The following TESK1 variants were observed in gnomAD, a reference collection of about 807,000 sequenced individuals.
TESK1 encodes testis associated actin remodelling kinase 1.
Under a neutral mutation model 59.9 loss-of-function variants are expected in TESK1, and 18 were observed. The ratio of observed to expected loss-of-function variants is 0.30; its 90% CI spans 0.21 to 0.45. TESK1 has a LOEUF of 0.45. TESK1 is among the 20% of genes least tolerant of loss of function. The probability of loss-of-function intolerance (pLI) is 1.00; values close to 1 mark genes in which losing one functional copy is unlikely to be tolerated. For missense variants in TESK1, 748 were observed against 840.9 expected, an observed-to-expected ratio of 0.89 and a Z score of 1.37; for synonymous variants, 341 against 357.4, an observed-to-expected ratio of 0.95 and a Z score of 0.52.
At position 35,606,037 on chromosome 9, in the gene TESK1, C is replaced by A; in HGVS notation, c.273C>A (p.Pro91=). 1 of 1,614,162 alleles carries A rather than the reference C, an allele frequency of 6.2e-7. No individual in the cohort carries two copies. The part of the protein sequence containing the change: ...QVMVLKMNKL[P]SNRGNTLREV... Reference sequence around the variant, plus strand: ...TGGTGCTGAAGATGAACAAGCTCCCCAGTAACCGGGGCAACACACTACGGG... The same window carrying A: ...TGGTGCTGAAGATGAACAAGCTCCCAAGTAACCGGGGCAACACACTACGGG... The change falls in exon 2 of 10, where the codon CCC becomes CCA. Residue 91 remains proline (P), a synonymous_variant. Transcript: ENST00000336395.
chr9:35,609,736 C>T lies in TESK1; in HGVS notation c.1875C>T (p.Arg625=). The change falls in exon 10 of 10, where the codon CGC becomes CGT. Residue 625 remains arginine, a synonymous_variant. Coordinates refer to ENST00000336395, the MANE Select transcript of TESK1 (RefSeq NM_006285.3). The surrounding 1 kb of genome is among the most constrained non-coding windows in gnomAD (Gnocchi z 6.7). The part of the protein sequence containing the change: ...PTPSLQLPGA[R]S The stretch of plus-strand genomic sequence containing the variant: ...CCAGCCTGCAGCTGCCTGGGGCACG[C>T]TCTTAGCAGTGGAGCCCGTGGTCTC... The T allele has an allele frequency of 6.3e-7, 1 of 1,588,442 alleles. No homozygotes were observed. The highest frequency in any genetic ancestry group is 8.5e-7 in the Non-Finnish European group (1 of 1,173,600).
chr9:35,606,702 TGG>T, intron 3 of TESK1, 133 bp from the exon 4 acceptor site: 1 of 737,272 alleles, frequency 1.4e-6, no homozygotes, highest in Non-Finnish European at 2.1e-6. Flanking sequence ...AGAACATGGA[TGG>T]GGGGGGTCCT....
Position 35,606,111 on chromosome 9 carries a change from C to T in TESK1, c.341+6C>T. 1 of 1,614,060 alleles carries T rather than the reference C, an allele frequency of 6.2e-7. No homozygotes were observed. The highest frequency in any genetic ancestry group is 8.5e-7 in the Non-Finnish European group (1 of 1,179,968). On this transcript the variant is annotated splice_donor_region_variant and intron_variant, in intron 2 of 9. Transcript: ENST00000336395. ...AGGCACCCCAACATCCTAAGGTGAG[C>T]GGCCCCAGTCTCTGGGCAGCTTGCT...
intron 3 of TESK1, 68 bp from the exon 4 acceptor site, chr9:35,606,769 T>G: frequency 1.4e-6 from 2 of 1,465,494 alleles, no homozygotes; most frequent in Non-Finnish European, 1.9e-6. Context: ...TCCCCTAGCG[T>G]GTAAGTGGGG....
chr9:35,609,788 A>G lies in TESK1; in HGVS notation c.*46A>G, dbSNP rs1563893182. The G allele has an allele frequency of 1.3e-6, 2 of 1,495,244 alleles. No individual in the cohort carries two copies. The highest frequency in any genetic ancestry group is 1.8e-6 in the Non-Finnish European group (2 of 1,126,120). 92.6% of individuals were successfully genotyped at this position (1,495,244 alleles called of 1,614,324 possible). A position where few individuals can be genotyped will look rare whatever the true frequency, so the allele number is the denominator to read the frequency against. On this transcript the variant is annotated 3_prime_UTR_variant, in exon 10 of 10. Coordinates refer to ENST00000336395, the MANE Select transcript of TESK1 (RefSeq NM_006285.3). This position sits in a 1 kb window ranked among gnomAD's most constrained non-coding sequence, Gnocchi z 6.7. ...GGCCTCCAACTTTGGCCTTCAGGACACCCTGTAAGAACAGAGCACACTTGC... is the reference window on the plus strand; with the variant it reads ...GGCCTCCAACTTTGGCCTTCAGGACGCCCTGTAAGAACAGAGCACACTTGC...
chr9:35,609,092 T>C lies in TESK1; in HGVS notation c.1231T>C (p.Phe411Leu). ...PVLPLVPPSP[F>L]PSTQLPLVTT... The stretch of plus-strand genomic sequence containing the variant: ...CCTGCCTCTTGTGCCACCATCACCA[T>C]TCCCATCCACTCAGCTGCCCTTGGT... Residue 411 changes from phenylalanine to leucine, a missense_variant, in exon 10 of 10, where the codon TTC becomes CTC. This residue lies in a region of TESK1 where 447 missense variants were observed against 466.1 expected (regional missense o/e 0.96). Transcript: ENST00000336395. The surrounding 1 kb of genome is among the most constrained non-coding windows in gnomAD (Gnocchi z 6.7). 6.2e-6 allele frequency: 10 copies of C among 1,614,092 alleles called. No individual in the cohort carries two copies. The highest frequency in any genetic ancestry group is 8.5e-6 in the Non-Finnish European group (10 of 1,179,986).
rs1822835976 is a variant in TESK1, at chr9:35,605,848, G to A, written c.219+10G>A. 6.2e-7 allele frequency: 1 copy of A among 1,609,818 alleles called. No homozygotes were observed. Among genetic ancestry groups the A allele is most frequent in the Non-Finnish European group, 8.5e-7 (1 of 1,178,460 alleles). On this transcript the variant is annotated intron_variant, in intron 1 of 9. Transcript: ENST00000336395. ...CTCTGAGGTCTACAAGGTAGGACCG[G>A]CCGAGAGGGCAGAGGGGCGGGACCG...
chr9:35,609,682 C>G lies in TESK1; in HGVS notation c.1821C>G (p.His607Gln). Residue 607 changes from histidine to glutamine, a missense_variant, in exon 10 of 10, where the codon CAC (histidine) becomes CAG (glutamine). His to Gln is a conservative substitution (Grantham distance 24). Transcript: ENST00000336395. This position sits in a 1 kb window ranked among gnomAD's most constrained non-coding sequence, Gnocchi z 6.7. ...LNCEAGSLLC[H>Q]RGHHAKPPTP... ...GTGAGGCGGGCAGTCTCCTCTGCCACCGAGGGCACCACGCCAAGCCACCCA... is the reference window on the plus strand; with the variant it reads ...GTGAGGCGGGCAGTCTCCTCTGCCAGCGAGGGCACCACGCCAAGCCACCCA... 4.4e-6 allele frequency: 7 copies of G among 1,602,380 alleles called. No homozygotes were observed. The highest frequency in any genetic ancestry group is 5.9e-6 in the Non-Finnish European group (7 of 1,179,880).
intron 9 of TESK1, 99 bp from the exon 10 acceptor site, chr9:35,608,763 T>A: frequency 7.1e-7 from 1 of 1,415,118 alleles, no homozygotes; most frequent in South Asian, 1.4e-5. Flanking sequence ...ACTCCCTTTT[T>A]CAAGCTCTAG....
chr9:35,607,293 G>A lies in TESK1; in HGVS notation c.538-34G>A. 6.2e-7 allele frequency: 1 copy of A among 1,612,216 alleles called. No homozygotes were observed. The highest frequency in any genetic ancestry group is 1.3e-5 in the African/African-American group (1 of 75,002). On this transcript the variant is annotated intron_variant, in intron 4 of 9. Coordinates refer to ENST00000336395, the MANE Select transcript of TESK1 (RefSeq NM_006285.3). This position sits in a 1 kb window ranked among gnomAD's most constrained non-coding sequence, Gnocchi z 4.5. Reference sequence around the variant, plus strand: ...GGGAGGCCAGACAGCAGAAGGTGATGAGTGCGTGGGGATACTATGTGTGTG... The same window carrying A: ...GGGAGGCCAGACAGCAGAAGGTGATAAGTGCGTGGGGATACTATGTGTGTG...
Position 35,609,054 on chromosome 9 carries a change from C to T in TESK1, c.1193C>T (p.Pro398Leu). 6.2e-7 allele frequency: 1 copy of T among 1,614,150 alleles called. No homozygotes were observed. The highest frequency in any genetic ancestry group is 8.5e-7 in the Non-Finnish European group (1 of 1,180,020). ...GGCAAGATCAAGCTCTTAGACACAC[C>T]CAGCAAGCCAGTCCTGCCTCTTGTG... ...RGGKIKLLDT[P>L]SKPVLPLVPP... Residue 398 changes from proline to leucine, a missense_variant, in exon 10 of 10, where the codon CCC becomes CTC. Coordinates refer to ENST00000336395, the MANE Select transcript of TESK1 (RefSeq NM_006285.3). This position sits in a 1 kb window ranked among gnomAD's most constrained non-coding sequence, Gnocchi z 6.7.
In TESK1 at chr9:35,606,927, C is replaced by A; in HGVS notation, c.481C>A (p.Arg161=). The change falls in exon 4 of 10, where the codon CGA becomes AGA. Residue 161 remains arginine (R), a synonymous_variant. Transcript: ENST00000336395. ...GCTCCACCTGGCCCTGGACATTGCC[C>A]GAGGCCTGCGGTACCTGCACTCCAA... ...VRLHLALDIA[R]GLRYLHSKGV... 1 of 1,613,470 alleles carries A rather than the reference C, an allele frequency of 6.2e-7. No individual in the cohort carries two copies. Among genetic ancestry groups the A allele is most frequent in the Non-Finnish European group, 8.5e-7 (1 of 1,179,668 alleles).
rs748977553 is a variant in TESK1 at position 35,606,986 on chromosome 9, A to G, written c.537+3A>G. ...TTCACCGCGACCTCACATCCAAGGT[A>G]GGCTAGCAGGGTGGGTGGAGACATG... is the stretch of plus-strand genomic sequence containing the variant. On this transcript the variant is annotated splice_donor_region_variant and intron_variant, in intron 4 of 9. Transcript: ENST00000336395. 1 of 1,584,646 alleles carries G rather than the reference A, an allele frequency of 6.3e-7. No homozygotes were observed. Among genetic ancestry groups the G allele is most frequent in the Admixed American group, 1.8e-5 (1 of 56,130 alleles).
rs1822929529 is a variant in TESK1, at chr9:35,609,442, A to G, written c.1581A>G (p.Gln527=). The G allele has an allele frequency of 6.2e-7, 1 of 1,608,544 alleles. No individual in the cohort carries two copies. Among genetic ancestry groups the G allele is most frequent in the Admixed American group, 1.7e-5 (1 of 59,634 alleles). Residue 527 remains glutamine, a synonymous_variant, in exon 10 of 10, where the codon CAA becomes CAG. Coordinates refer to ENST00000336395, the MANE Select transcript of TESK1 (RefSeq NM_006285.3). The surrounding 1 kb of genome is among the most constrained non-coding windows in gnomAD (Gnocchi z 6.7). ...CAGCTGTGGTGGTGAACTCCCCACA[A>G]GGCTGGGCTGGGGAGCCCTGGAACC... The part of the protein sequence containing the change: ...NPPAVVVNSP[Q]GWAGEPWNRA...
rs1822836234 is a variant in TESK1 at position 35,605,856 on chromosome 9, G to T, written c.219+18G>T. The T allele has an allele frequency of 6.2e-7, 1 of 1,609,434 alleles. No homozygotes were observed. The highest frequency in any genetic ancestry group is 8.5e-7 in the Non-Finnish European group (1 of 1,178,054). On this transcript the variant is annotated intron_variant, in intron 1 of 9. Coordinates refer to ENST00000336395, the MANE Select transcript of TESK1 (RefSeq NM_006285.3). ...TCTACAAGGTAGGACCGGCCGAGAGGGCAGAGGGGCGGGACCGAGCCTTCA... is the reference window on the plus strand; with the variant it reads ...TCTACAAGGTAGGACCGGCCGAGAGTGCAGAGGGGCGGGACCGAGCCTTCA...
Position 35,606,025 on chromosome 9 carries a change from G to C in TESK1, c.261G>C (p.Met87Ile). Reference protein sequence around the residue: ...RQSGQVMVLKMNKLPSNRGNT... With the variant: ...RQSGQVMVLKINKLPSNRGNT... ...CAGGGCAAGTCATGGTGCTGAAGAT[G>C]AACAAGCTCCCCAGTAACCGGGGCA... is the stretch of plus-strand genomic sequence containing the variant. The change falls in exon 2 of 10, where the codon ATG (methionine) becomes ATC (isoleucine). Residue 87 changes from methionine (M) to isoleucine (I), a missense_variant. Coordinates refer to ENST00000336395, the MANE Select transcript of TESK1 (RefSeq NM_006285.3). 1 of 1,614,088 alleles carries C rather than the reference G, an allele frequency of 6.2e-7. No individual in the cohort carries two copies. Among genetic ancestry groups the C allele is most frequent in the Non-Finnish European group, 8.5e-7 (1 of 1,180,008 alleles).
chr9:35,606,629 T>A (rs181493859), intron 3 of TESK1, among the ~76,000 whole-genome samples: 3 of 152,308 alleles, frequency 2.0e-5, no homozygotes, highest in East Asian at 1.9e-4. Flanking sequence ...GATTAAAAAA[T>A]TTTTTAAATT....
In TESK1 at chr9:35,605,757, C is replaced by T; in HGVS notation, c.138C>T (p.Ser46=). 1 of 1,607,848 alleles carries T rather than the reference C, an allele frequency of 6.2e-7. No individual in the cohort carries two copies. Among genetic ancestry groups the T allele is most frequent in the Non-Finnish European group, 8.5e-7 (1 of 1,177,824 alleles). The change falls in exon 1 of 10, where the codon AGC becomes AGT. Residue 46 remains serine (S), a synonymous_variant. Transcript: ENST00000336395. ...CCTCCTCCTACCGGGCTCTCCGCAG[C>T]GCCGTGTCTAGCCTGGCGCGTGTGG... is the stretch of plus-strand genomic sequence containing the variant. ...GRPSSYRALR[S]AVSSLARVDD...
chr9:35,608,001 C>A lies in TESK1; in HGVS notation c.785C>A (p.Pro262Gln). 6.2e-7 allele frequency: 1 copy of A among 1,614,174 alleles called. No individual in the cohort carries two copies. Residue 262 changes from proline (P) to glutamine (Q), a missense_variant, in exon 7 of 10, where the codon CCA (proline) becomes CAA (glutamine). By Grantham distance (76) the Pro-to-Gln change is moderately conservative. Transcript: ENST00000336395. ...ARVPADPDYL[P>Q]RTEDFGLDVP... ...GTACCTGCAGACCCTGACTACCTAC[C>A]ACGCACTGAGGTGAATGTTTCTAGG...
Sources: gnomAD v4.1 joint callset for allele counts (sites outside exome capture counted in the v4.1 genomes callset) on GRCh38, gnomAD v4.1.1 for gene constraint, gnomAD v4.1.1 regional missense constraint, Gnocchi (gnomAD v3.1) non-coding constraint, MANE v1.5 for transcripts, NCBI Gene and HGNC (gene_info 2026-07-23, HGNC 2026-07-21) for gene names.